Variants in ZRSR2 observed in about 807,000 individuals in gnomAD.
ZRSR2 encodes U2 small nuclear ribonucleoprotein auxiliary factor 35 kDa subunit-related protein 2.
Under a neutral mutation model 39.4 loss-of-function variants are expected in ZRSR2, and 3 were observed. That is an observed-to-expected ratio of 0.08 (90% CI 0.03 to 0.20). The LOEUF (loss-of-function observed/expected upper bound fraction) is 0.20. Ranked by LOEUF, ZRSR2 falls within the 10% of genes least tolerant of loss-of-function variation. The probability of loss-of-function intolerance (pLI) is 1.00; values close to 1 mark genes in which losing one functional copy is unlikely to be tolerated. For synonymous variants in ZRSR2, 137 were observed against 136.0 expected (o/e 1.01, Z -0.05); for missense variants, 256 against 391.5 (o/e 0.65, Z 2.92).
chrX:15,823,252 G>A lies in ZRSR2; in HGVS notation c.*10G>A. 8.8e-7 allele frequency: 1 copy of A among 1,140,390 alleles called. No homozygotes were observed. Among genetic ancestry groups the A allele is most frequent in the Non-Finnish European group, 1.2e-6 (1 of 862,411 alleles). The allele number at this position is 1,140,390 out of a possible 1,213,427, so 94.0% of individuals were successfully genotyped here. ...TCCCAAATCCAAATAAACTAGTTTTGTTCTTAAATGATTGTATATCTTATT... is the reference window on the plus strand; with the variant it reads ...TCCCAAATCCAAATAAACTAGTTTTATTCTTAAATGATTGTATATCTTATT... On this transcript the variant is annotated 3_prime_UTR_variant, in exon 11 of 11. Coordinates refer to ENST00000307771, the MANE Select transcript of ZRSR2 (RefSeq NM_005089.4).
At chrX:15,797,208 CTT>C (rs150083525) in intron 2 of ZRSR2, among the ~76,000 whole-genome samples, 7 of 95,696 alleles carry the variant, frequency 7.3e-5, no homozygotes, top group East Asian at 3.2e-4. Flanking sequence ...TCTGCATTAA[CTT>C]TTTTTTTTTT....
chrX:15,795,088 T>G (rs577923580), intron 2 of ZRSR2, among the ~76,000 whole-genome samples: 2 of 59,313 alleles, frequency 3.4e-5, no homozygotes, highest in Non-Finnish European at 6.8e-5. Context: ...CCTGCACTTT[T>G]CCCCCCCCCC....
intron 5 of ZRSR2, among the ~76,000 whole-genome samples, chrX:15,807,358 C>T (rs1022842714): frequency 1.8e-5 from 2 of 109,543 alleles, no homozygotes; most frequent in Admixed American, 9.7e-5. Context: ...GGCGTCATCT[C>T]GGCTCACTGC....
In ZRSR2 at chrX:15,805,957, T is replaced by G. The variant is rs183180618; in HGVS notation, c.399+1760T>G. ...AAAAAAAAAAAAAAAAAGAAAGAAA[T>G]AAAGCAGAGTGATGTGATAGAGTAA... On this transcript the variant is annotated intron_variant, in intron 5 of 10. Coordinates refer to ENST00000307771, the MANE Select transcript of ZRSR2 (RefSeq NM_005089.4). 2.6e-3 allele frequency among the ~76,000 whole-genome samples: 258 copies of G among 99,741 alleles called. 2 individuals are homozygous for G. The highest frequency in any genetic ancestry group is 0.016 in the East Asian group (49 of 3,127). The allele number at this position is 99,741 out of a possible 115,157, so 86.6% of individuals were successfully genotyped here.
intron 7 of ZRSR2, among the ~76,000 whole-genome samples, chrX:15,814,420 G>A (rs1027079552): frequency 1.8e-4 from 20 of 111,749 alleles, no homozygotes; most frequent in Admixed American, 2.9e-4. Flanking sequence ...CTTGAAGCCA[G>A]GAGTGCGAGA....
At chrX:15,812,257 A>G (rs950464867) in intron 7 of ZRSR2, among the ~76,000 whole-genome samples, 22 of 112,698 alleles carry the variant, frequency 2.0e-4, no homozygotes, top group Admixed American at 1.9e-3. Context: ...TTTCATAGGC[A>G]TATGAAATTT....
intron 5 of ZRSR2, among the ~76,000 whole-genome samples, chrX:15,804,416 A>G (rs1932759806): frequency 9.0e-6 from 1 of 111,082 alleles, no homozygotes; most frequent in Non-Finnish European, 1.9e-5. Context: ...GCTTTACCCT[A>G]TTTACCCTTT....
At chrX:15,804,252 C>CA in intron 5 of ZRSR2, 55 bp downstream of exon 5, 1 of 1,108,106 alleles carries the variant, frequency 9.0e-7, no homozygotes, top group Admixed American at 3.4e-5. Context: ...AATCAGTAGG[C>CA]ATGTCAGAGT....
chrX:15,816,759 T>G (rs1183349910), intron 8 of ZRSR2, among the ~76,000 whole-genome samples: 2 of 111,722 alleles, frequency 1.8e-5, no homozygotes, highest in Non-Finnish European at 3.8e-5. Context: ...TCCTGCAAGT[T>G]GCAAATGATG....
chrX:15,819,478 G>C (rs1933051087), intron 9 of ZRSR2, among the ~76,000 whole-genome samples: 2 of 110,966 alleles, frequency 1.8e-5, no homozygotes, highest in Non-Finnish European at 3.8e-5. Flanking sequence ...TTGTGAGGCT[G>C]AGGCAGGAGG....
intron 8 of ZRSR2, 113 bp from the exon 9 acceptor site, chrX:15,818,474 A>G: frequency 3.1e-6 from 2 of 645,193 alleles, no homozygotes; most frequent in Non-Finnish European, 4.7e-6. Flanking sequence ...TCTATTTTGC[A>G]ATCTTTGATT....
chrX:15,805,456 T>C (rs1332256930), intron 5 of ZRSR2, among the ~76,000 whole-genome samples: 1 of 112,044 alleles, frequency 8.9e-6, no homozygotes, highest in African/African-American at 3.2e-5. Flanking sequence ...AAATAGATTC[T>C]AAGCTTATAA....
chrX:15,819,409 C>G (rs917608828), intron 9 of ZRSR2, among the ~76,000 whole-genome samples: 1 of 109,773 alleles, frequency 9.1e-6, no homozygotes, highest in Non-Finnish European at 1.9e-5. Flanking sequence ...GACCTCATCT[C>G]TACAAAAAAA....
rs187615790 is a variant in ZRSR2, at chrX:15,795,215, G to A, written c.121+4202G>A. Among the ~76,000 whole-genome samples, 297 of 109,830 alleles carry A rather than the reference G, an allele frequency of 2.7e-3. 1 individual carries two copies. Among genetic ancestry groups the A allele is most frequent in the South Asian group, 0.011 (29 of 2,542 alleles). On this transcript the variant is annotated intron_variant, in intron 2 of 10. Coordinates refer to ENST00000307771, the MANE Select transcript of ZRSR2 (RefSeq NM_005089.4). ...AGCAGGACTTTGTTTTGGGCTTGAT[G>A]ATTTTCATGGCTTTTTCTATAACAA... is the stretch of plus-strand genomic sequence containing the variant.
rs775508821 is a variant in ZRSR2 at position 15,810,256 on chromosome X, G to C, written c.557+938G>C. Among the ~76,000 whole-genome samples the C allele has an allele frequency of 2.7e-5, 3 of 110,185 alleles. No individual in the cohort carries two copies. The South Asian group carries it at 1.2e-3, about 43-fold the overall frequency. On this transcript the variant is annotated intron_variant, in intron 7 of 10. Transcript: ENST00000307771. ...CTCTTCAGTCATTTAGCAAGTCTTC[G>C]AACACCTATTATATGCCAGGTAATG...
At chrX:15,803,622 C>T (rs773091025) in intron 3 of ZRSR2, 66 bp from the exon 4 acceptor site, 24 of 1,118,589 alleles carry the variant, frequency 2.1e-5, no homozygotes, top group African/African-American at 9.2e-5. Flanking sequence ...ATTTTGCTCT[C>T]GTGTGTGTGT....
intron 2 of ZRSR2, among the ~76,000 whole-genome samples, chrX:15,793,817 C>T (rs1489583660): frequency 1.8e-5 from 2 of 112,472 alleles, no homozygotes; most frequent in African/African-American, 6.5e-5. Context: ...GGATTACAGG[C>T]GTGAGCCACT....
At chrX:15,792,772 G>C (rs1325576983) in intron 2 of ZRSR2, among the ~76,000 whole-genome samples, 6 of 112,621 alleles carry the variant, frequency 5.3e-5, no homozygotes, top group African/African-American at 1.9e-4. Context: ...CCAGATGGGA[G>C]CACTGAAATC....
chrX:15,803,971 A>C (rs1407551260), intron 4 of ZRSR2, 140 bp from the exon 5 acceptor site: 3 of 976,318 alleles, frequency 3.1e-6, no homozygotes, highest in Non-Finnish European at 2.7e-6. Context: ...AGAGTTGCCT[A>C]TCTTGAACTT....
Sources: allele counts gnomAD v4.1 joint callset (sites outside exome capture counted in the v4.1 genomes callset), GRCh38; gene constraint gnomAD v4.1.1; transcripts MANE v1.5; gene names NCBI Gene and HGNC (gene_info 2026-07-23, HGNC 2026-07-21).